L2HGDH: variants seen among roughly 807,000 people sequenced by gnomAD.
L2HGDH encodes the protein L-2-hydroxyglutarate dehydrogenase.
In L2HGDH, 34 loss-of-function variants were observed where a neutral mutation model predicts 51.5. The ratio of observed to expected loss-of-function variants is 0.66; its 90% CI spans 0.50 to 0.88. The LOEUF is 0.88. Ranked by LOEUF, L2HGDH falls within the 40% of genes least tolerant of loss-of-function variation. L2HGDH has a pLI of 0.00. For missense variants in L2HGDH, 558 were observed against 571.9 expected (o/e 0.98, Z 0.25); for synonymous variants, 198 against 197.9 (o/e 1.00, Z -0.01).
chr14:50,296,517 C>A (rs535145176), intron 3 of L2HGDH, among the ~76,000 whole-genome samples: 26 of 145,282 alleles, frequency 1.8e-4, no homozygotes, highest in Non-Finnish European at 3.3e-4. Flanking sequence ...TAGAAAGACA[C>A]AAACTTCTGA....
rs572079380 is a variant in L2HGDH at position 50,248,687 on chromosome 14, AT to A, written c.1197-1435del. On this transcript the variant is annotated intron_variant, in intron 9 of 9. Transcript: ENST00000267436. ...ATCCTGCAGGGAATCTGGACAAGAG[AT>A]TTTTTAGCTGTAAGAATTTCCAAGT... Among the ~76,000 whole-genome samples the A allele has an allele frequency of 2.6e-3, 389 of 152,288 alleles. 5 individuals carry two copies. Among genetic ancestry groups the A allele is most frequent in the African/African-American group, 8.0e-3 (332 of 41,560 alleles).
intron 8 of L2HGDH, among the ~76,000 whole-genome samples, chr14:50,266,844 G>A (rs1054752314): frequency 6.6e-6 from 1 of 151,874 alleles, no homozygotes. Flanking sequence ...GAGAAACATT[G>A]GTAAAAGGAC....
intron 9 of L2HGDH, among the ~76,000 whole-genome samples, chr14:50,260,563 T>C (rs1008886504): frequency 2.0e-5 from 3 of 152,230 alleles, no homozygotes; most frequent in South Asian, 2.1e-4. Context: ...CCTTTTAGTA[T>C]GAATTTTAAT....
intron 9 of L2HGDH, among the ~76,000 whole-genome samples, chr14:50,260,006 AG>A (rs1367699939): frequency 1.3e-5 from 2 of 151,382 alleles, no homozygotes; most frequent in East Asian, 1.9e-4. Flanking sequence ...AGAGAGAGAG[AG>A]AGAGATTGAT....
At chr14:50,252,898 A>G (rs1888447114) in intron 9 of L2HGDH, among the ~76,000 whole-genome samples, 1 of 152,122 alleles carries the variant, frequency 6.6e-6, no homozygotes. Context: ...CTCGACAAAG[A>G]AATGTCAGAC....
At chr14:50,281,145 G>T (rs1319472725) in intron 5 of L2HGDH, among the ~76,000 whole-genome samples, 4 of 149,694 alleles carry the variant, frequency 2.7e-5, no homozygotes, top group Admixed American at 2.7e-4. Context: ...AGAGAAAAAG[G>T]AAAAAAAAAA....
intron 9 of L2HGDH, among the ~76,000 whole-genome samples, chr14:50,265,154 C>T (rs1272888398): frequency 6.6e-6 from 1 of 152,104 alleles, no homozygotes; most frequent in Non-Finnish European, 1.5e-5. Context: ...ATAAATGGAC[C>T]AGCACTAAGG....
chr14:50,248,824 G>A lies in L2HGDH; in HGVS notation c.1197-1571C>T, dbSNP rs4329828. On this transcript the variant is annotated intron_variant, in intron 9 of 9. Coordinates refer to ENST00000267436, the MANE Select transcript of L2HGDH (RefSeq NM_024884.3). ...AACTATCTGCACACAGAAAAGCACC[G>A]TCACAAGAACCAAAAATCAGGTGAG... is the stretch of plus-strand genomic sequence containing the variant. Among the ~76,000 whole-genome samples, 640 of 152,262 alleles carry A rather than the reference G, an allele frequency of 4.2e-3. 3 individuals are homozygous for A. The highest frequency in any genetic ancestry group is 0.014 in the African/African-American group (582 of 41,536).
chr14:50,285,780 G>C (rs533258569), intron 4 of L2HGDH, among the ~76,000 whole-genome samples: 6 of 152,286 alleles, frequency 3.9e-5, no homozygotes, highest in African/African-American at 1.4e-4. Context: ...CTGAAGGATT[G>C]AATTTGAGGG....
chr14:50,269,116 C>A, intron 7 of L2HGDH, 47 bp downstream of exon 7: 8 of 1,432,614 alleles, frequency 5.6e-6, no homozygotes, highest in Non-Finnish European at 4.9e-6. Context: ...CCTTTATGAC[C>A]ACCACCTGCT....
At chr14:50,268,372 C>G (rs1025961956) in intron 7 of L2HGDH, among the ~76,000 whole-genome samples, 10 of 130,644 alleles carry the variant, frequency 7.7e-5, no homozygotes, top group African/African-American at 2.9e-4. Context: ...GAGTGAGAAT[C>G]TGTCTCAGGA....
rs951279425 is a variant in L2HGDH at position 50,246,816 on chromosome 14, C to G, written c.*242G>C. The stretch of plus-strand genomic sequence containing the variant: ...AGCTCTCAGCTCACCTCCGTCTGCT[C>G]GGTTCAATTGATTCTCCTGCCTCAG... On this transcript the variant is annotated 3_prime_UTR_variant, in exon 10 of 10. Transcript: ENST00000267436. 2.0e-6 allele frequency: 1 copy of G among 508,770 alleles called. No individual in the cohort carries two copies. The highest frequency in any genetic ancestry group is 4.2e-5 in the East Asian group (1 of 23,862). The allele number at this position is 508,770 out of a possible 1,614,324, so 31.5% of individuals were successfully genotyped here.
intron 5 of L2HGDH, among the ~76,000 whole-genome samples, chr14:50,283,497 TA>T (rs199859030): frequency 7.4e-5 from 11 of 149,274 alleles, no homozygotes; most frequent in East Asian, 3.9e-4. Context: ...ATATCCCAAT[TA>T]AAAAAAAAAT....
chr14:50,273,158 G>A (rs1018507043), intron 6 of L2HGDH, among the ~76,000 whole-genome samples: 4 of 152,216 alleles, frequency 2.6e-5, no homozygotes, highest in African/African-American at 9.7e-5. Context: ...AAAGGTATAT[G>A]AATGGACCAC....
chr14:50,253,490 T>A (rs550954322), intron 9 of L2HGDH, among the ~76,000 whole-genome samples: 24 of 152,242 alleles, frequency 1.6e-4, no homozygotes, highest in African/African-American at 5.3e-4. Flanking sequence ...GGAGATACCA[T>A]CTCACCTCAG....
chr14:50,296,150 T>C (rs898056982), intron 3 of L2HGDH, among the ~76,000 whole-genome samples: 18 of 151,902 alleles, frequency 1.2e-4, no homozygotes, highest in Non-Finnish European at 1.8e-4. Flanking sequence ...GGCTGGTGGA[T>C]TGCTTGAGCT....
chr14:50,305,126 A>C (rs187241934), intron 1 of L2HGDH, among the ~76,000 whole-genome samples: 2 of 152,330 alleles, frequency 1.3e-5, no homozygotes, highest in East Asian at 3.9e-4. Flanking sequence ...AGCTTGATAA[A>C]TCAAATCCTG....
rs534142960 is a variant in L2HGDH at position 50,283,770 on chromosome 14, T to C, written c.703+101A>G. ...TACTATTATTTTTTATTGTTTTTTT[T>C]CCCAAATATTTTTCATCCTCAGTTG... On this transcript the variant is annotated intron_variant, in intron 5 of 9. Coordinates refer to ENST00000267436, the MANE Select transcript of L2HGDH (RefSeq NM_024884.3). 99 of 960,912 alleles carry C rather than the reference T, an allele frequency of 1.0e-4. No individual in the cohort carries two copies. In the African/African-American group the frequency reaches 1.2e-3, roughly 12 times the overall value. The allele number at this position is 960,912 out of a possible 1,614,324, so 59.5% of individuals were successfully genotyped here. A position where few individuals can be genotyped will look rare whatever the true frequency, so the allele number is the denominator to read the frequency against.
intron 5 of L2HGDH, among the ~76,000 whole-genome samples, chr14:50,279,331 T>C (rs944950559): frequency 4.6e-5 from 7 of 151,988 alleles, no homozygotes; most frequent in Non-Finnish European, 7.4e-5. Flanking sequence ...AAAAAATTAA[T>C]GCCCTCAAAG....
Sources: gnomAD v4.1 joint callset for allele counts (sites outside exome capture counted in the v4.1 genomes callset) on GRCh38, gnomAD v4.1.1 for gene constraint, MANE v1.5 for transcripts, NCBI Gene and HGNC (gene_info 2026-07-23, HGNC 2026-07-21) for gene names.